Variants in KDM4B observed in about 807,000 individuals in gnomAD.
The protein encoded by KDM4B is lysine-specific demethylase 4B.
A neutral mutation model predicts 125.2 loss-of-function variants in KDM4B; 32 were observed. The observed-to-expected ratio is 0.26, with a 90% CI of 0.19 to 0.34. KDM4B has a LOEUF of 0.34. Among genes scored for constraint, KDM4B ranks in the 10% least tolerant of loss-of-function variants. The pLI, the probability that KDM4B is intolerant of heterozygous loss-of-function variation, is 1.00. For synonymous variants in KDM4B, 721 were observed against 677.9 expected (o/e 1.06, Z -0.99); for missense variants, 1,190 against 1,577.7 (o/e 0.75, Z 4.16).
At chr19:4,987,337 T>C (rs186370072) in intron 1 of KDM4B, among the ~76,000 whole-genome samples, 235 of 152,370 alleles carry the variant, frequency 1.5e-3, no homozygotes, top group Non-Finnish European at 3.0e-3. Context: ...CTTTCTCTTA[T>C]AGACTAAGAG....
In KDM4B at chr19:5,064,926, C is replaced by T. The variant is rs1300136371; in HGVS notation, c.627-6084C>T. On this transcript the variant is annotated intron_variant, in intron 6 of 22. Transcript: ENST00000159111. ...GTTTTCTGCCTGGTCTGAGAGGCAG[C>T]GGCCCTGCTGTCATTGCCTGCCCAT... 2.0e-5 allele frequency among the ~76,000 whole-genome samples: 3 copies of T among 152,232 alleles called. No homozygotes were observed. The South Asian group carries it at 6.2e-4, about 31-fold the overall frequency.
chr19:5,026,397 G>A (rs958702449), intron 2 of KDM4B, among the ~76,000 whole-genome samples: 7 of 152,050 alleles, frequency 4.6e-5, no homozygotes, highest in Admixed American at 2.6e-4. Context: ...AGCTCACTGC[G>A]GCCTCAAACT....
intron 6 of KDM4B, among the ~76,000 whole-genome samples, chr19:5,047,984 G>T (rs2037082316): frequency 3.3e-5 from 5 of 152,312 alleles, no homozygotes; most frequent in African/African-American, 1.2e-4. Context: ...CTCCTGAGCT[G>T]CCCAGGCTGT....
At chr19:5,104,496 T>TC (rs1275798035) in intron 9 of KDM4B, among the ~76,000 whole-genome samples, 1 of 151,966 alleles carries the variant, frequency 6.6e-6, no homozygotes, top group Non-Finnish European at 1.5e-5. Flanking sequence ...TTTTTTTTTT[T>TC]CCAGCAACTA....
intron 9 of KDM4B, among the ~76,000 whole-genome samples, chr19:5,090,120 T>C (rs1200377358): frequency 6.6e-6 from 1 of 152,048 alleles, no homozygotes; most frequent in African/African-American, 2.4e-5. Context: ...GAGTGGAAGG[T>C]CCTGGAAGCC....
At chr19:5,024,871 C>A (rs1294207920) in intron 2 of KDM4B, among the ~76,000 whole-genome samples, 2 of 152,168 alleles carry the variant, frequency 1.3e-5, no homozygotes, top group South Asian at 2.1e-4. Context: ...TTGCTTGAAC[C>A]CGGGAAACGG....
Position 5,131,136 on chromosome 19 carries a change from T to G in KDM4B, c.1376T>G (p.Phe459Cys). The G allele has an allele frequency of 6.5e-7, 1 of 1,539,590 alleles. No individual in the cohort carries two copies. Among genetic ancestry groups the G allele is most frequent in the Admixed American group, 2.0e-5 (1 of 49,960 alleles). Residue 459 changes from phenylalanine (F) to cysteine (C), a missense_variant, in exon 12 of 23, where the codon TTC (phenylalanine) becomes TGC (cysteine). Phe to Cys is a radical substitution (Grantham distance 205, BLOSUM62 -2). Transcript: ENST00000159111. ...KAKSERKKKS[F>C]GLLPPQLPPP... is the part of the protein sequence containing the mutation. ...AAGAGCGAGCGGAAGAAGAAGAGCTTCGGCCTGCTGCCCCCACAGCTGCCG... is the reference window on the plus strand; with the variant it reads ...AAGAGCGAGCGGAAGAAGAAGAGCTGCGGCCTGCTGCCCCCACAGCTGCCG...
intron 8 of KDM4B, chr19:5,077,921 G>T: frequency 5.6e-6 from 1 of 177,838 alleles, no homozygotes; most frequent in Non-Finnish European, 1.2e-5. Flanking sequence ...ACCCGGCCGT[G>T]GAGAGAACTG....
chr19:5,110,773 C>T lies in KDM4B; in HGVS notation c.1070C>T (p.Ser357Phe), dbSNP rs768698435. 3.1e-6 allele frequency: 5 copies of T among 1,607,392 alleles called. No homozygotes were observed. The South Asian group carries it at 3.3e-5, about 11-fold the overall frequency. The change falls in exon 10 of 23, where the codon TCC (serine) becomes TTC (phenylalanine). Residue 357 changes from serine (S) to phenylalanine (F), a missense_variant. Ser to Phe is a radical substitution (Grantham distance 155). Coordinates refer to ENST00000159111, the MANE Select transcript of KDM4B (RefSeq NM_015015.3). ...PTALTSPELS[S>F]WSASRASLKA... ...GCGCTCACCAGCCCCGAGCTGAGCT[C>T]CTGGAGTGCATCCCGGGCCTCGCTG...
At chr19:5,057,248 T>A (rs964440869) in intron 6 of KDM4B, among the ~76,000 whole-genome samples, 56 of 152,112 alleles carry the variant, frequency 3.7e-4, no homozygotes, top group African/African-American at 1.3e-3. Flanking sequence ...CGTGTGCCTG[T>A]GGCCCGGGCA....
rs190288043 is a variant in KDM4B, at chr19:5,007,403, G to A, written c.-108-8854G>A. Among the ~76,000 whole-genome samples, 68 of 152,222 alleles carry A rather than the reference G, an allele frequency of 4.5e-4. No individual in the cohort carries two copies. The South Asian group carries it at 9.3e-3, about 21-fold the overall frequency. ...GAAATGTCTGCTCCATCCTTTGCCC[G>A]TGTTTTCTGTTAGGTTGTTTGTCTT... On this transcript the variant is annotated intron_variant, in intron 1 of 22. Coordinates refer to ENST00000159111, the MANE Select transcript of KDM4B (RefSeq NM_015015.3).
chr19:4,981,198 G>A (rs946278764), intron 1 of KDM4B, among the ~76,000 whole-genome samples: 3 of 152,126 alleles, frequency 2.0e-5, no homozygotes, highest in African/African-American at 7.2e-5. Flanking sequence ...ATGGGGCAGC[G>A]TGGCCCCAGC....
intron 11 of KDM4B, among the ~76,000 whole-genome samples, chr19:5,122,311 C>T (rs969238409): frequency 1.2e-4 from 18 of 152,330 alleles, no homozygotes; most frequent in African/African-American, 4.1e-4. Flanking sequence ...CCGGTGAGGA[C>T]CCTGGGTTCC....
chr19:5,013,084 A>C (rs968086359), intron 1 of KDM4B, among the ~76,000 whole-genome samples: 15 of 152,120 alleles, frequency 9.9e-5, no homozygotes, highest in Non-Finnish European at 1.8e-4. Flanking sequence ...CCCAGCTTGG[A>C]GTGGGCGCTT....
At chr19:5,049,430 G>A (rs1010961718) in intron 6 of KDM4B, among the ~76,000 whole-genome samples, 1 of 152,054 alleles carries the variant, frequency 6.6e-6, no homozygotes, top group East Asian at 1.9e-4. Flanking sequence ...CAGTTCTTTC[G>A]GGAAGGGAAT....
At chr19:5,051,066 G>GC (rs941515545) in intron 6 of KDM4B, among the ~76,000 whole-genome samples, 17 of 151,954 alleles carry the variant, frequency 1.1e-4, no homozygotes, top group Non-Finnish European at 2.4e-4. Flanking sequence ...CTCCTGAGCC[G>GC]CCCGGGCCAG....
chr19:5,082,672 A>G lies in KDM4B; in HGVS notation c.918+168A>G, dbSNP rs2038338196. ...GCTCCTCAGAGAGCTTTTGCCCAGA[A>G]CGCTCCTTACCTCGAAGACTGGAGA... On this transcript the variant is annotated intron_variant, in intron 9 of 22. Transcript: ENST00000159111. This position sits in a 1 kb window ranked among gnomAD's most constrained non-coding sequence, Gnocchi z 5.4. 6.6e-6 allele frequency among the ~76,000 whole-genome samples: 1 copy of G among 152,092 alleles called. No individual in the cohort carries two copies. The highest frequency in any genetic ancestry group is 1.5e-5 in the Non-Finnish European group (1 of 67,986).
intron 9 of KDM4B, among the ~76,000 whole-genome samples, chr19:5,092,636 G>C (rs760185657): frequency 6.6e-6 from 1 of 152,322 alleles, no homozygotes; most frequent in South Asian, 2.1e-4. Flanking sequence ...GGCTGCAGCT[G>C]GTTGCTGCCT....
At chr19:5,139,061 C>T (rs1244059597) in intron 18 of KDM4B, among the ~76,000 whole-genome samples, 1 of 152,068 alleles carries the variant, frequency 6.6e-6, no homozygotes, top group Non-Finnish European at 1.5e-5. Context: ...TAGCTGGGAC[C>T]ACAAGCACGT....
Sources: allele counts gnomAD v4.1 joint callset (sites outside exome capture counted in the v4.1 genomes callset), GRCh38; gene constraint gnomAD v4.1.1; non-coding constraint Gnocchi (gnomAD v3.1); transcripts MANE v1.5; gene names NCBI Gene and HGNC (gene_info 2026-07-23, HGNC 2026-07-21).